The following DENND4A variants were observed in gnomAD, a reference collection of about 807,000 sequenced individuals.
DENND4A encodes the protein DENN domain containing 4A, also known as C-myc promoter-binding protein.
In DENND4A, 70 loss-of-function variants were observed where a neutral mutation model predicts 199.3. That is an observed-to-expected ratio of 0.35 (90% confidence interval 0.29 to 0.43). DENND4A has a LOEUF of 0.43. Among genes scored for constraint, DENND4A ranks in the 20% least tolerant of loss-of-function variants. The probability of loss-of-function intolerance (pLI) is 1.00; values close to 1 mark genes in which losing one functional copy is unlikely to be tolerated. For synonymous variants in DENND4A, 686 were observed against 766.9 expected (o/e 0.89, Z 1.74); for missense variants, 1,723 against 2,255.8 (o/e 0.76, Z 4.78).
Position 65,701,160 on chromosome 15 carries a change from A to G in DENND4A, c.2592T>C (p.Ser864=). The G allele has an allele frequency of 6.2e-7, 1 of 1,608,134 alleles. No individual in the cohort carries two copies. Among genetic ancestry groups the G allele is most frequent in the Non-Finnish European group, 8.5e-7 (1 of 1,177,904 alleles). Residue 864 remains serine, a synonymous_variant, in exon 19 of 33, where the codon AGT becomes AGC. Transcript: ENST00000443035. ...TTGTCCAAAGAAAATAGCCACTACG[A>G]CTTCTTGAAGGCCAGGTACTTTCCA... ...AVLESTWPSR[S]RSGYFLWTKV... is the part of the protein sequence containing the mutation.
intron 1 of DENND4A, among the ~76,000 whole-genome samples, chr15:65,779,657 C>A (rs934836467): frequency 6.6e-6 from 1 of 150,922 alleles, no homozygotes; most frequent in Admixed American, 6.6e-5. Context: ...TGGTGTTTTT[C>A]GTTTGTTTTC....
chr15:65,667,754 C>A, intron 28 of DENND4A, 51 bp from the exon 29 acceptor site: 1 of 1,557,506 alleles, frequency 6.4e-7, no homozygotes, highest in Non-Finnish European at 8.6e-7. Context: ...AATACTAAGC[C>A]ATTAAAAAAT....
At chr15:65,730,828 T>A (rs902261899) in intron 9 of DENND4A, among the ~76,000 whole-genome samples, 3 of 152,088 alleles carry the variant, frequency 2.0e-5, no homozygotes, top group Non-Finnish European at 4.4e-5. Flanking sequence ...GCTGCAGAAC[T>A]CTGTGAATAT....
intron 23 of DENND4A, among the ~76,000 whole-genome samples, chr15:65,682,653 T>C (rs781686912): frequency 7.2e-5 from 11 of 152,244 alleles, no homozygotes; most frequent in Non-Finnish European, 1.5e-4. Context: ...CTTGGCTGTT[T>C]GGTGCAGGAG....
chr15:65,662,567 C>T (rs983848216), intron 32 of DENND4A, among the ~76,000 whole-genome samples: 1 of 152,032 alleles, frequency 6.6e-6, no homozygotes, highest in Non-Finnish European at 1.5e-5. Context: ...TGTGCCTTTT[C>T]CCCAGAAGAT....
intron 13 of DENND4A, among the ~76,000 whole-genome samples, chr15:65,716,017 C>T (rs763902221): frequency 5.2e-4 from 79 of 152,024 alleles, no homozygotes; most frequent in Non-Finnish European, 1.1e-3. Flanking sequence ...AACATTCCCT[C>T]GTATTCATTC....
intron 17 of DENND4A, 135 bp from the exon 18 acceptor site, chr15:65,702,025 G>A: frequency 3.2e-6 from 4 of 1,251,024 alleles, no homozygotes; most frequent in South Asian, 1.4e-5. Context: ...CATTTTGGGA[G>A]GGCAAGGCAG....
At chr15:65,663,565 T>A (rs1269943695) in intron 32 of DENND4A, among the ~76,000 whole-genome samples, 6 of 152,180 alleles carry the variant, frequency 3.9e-5, no homozygotes, top group Admixed American at 3.9e-4. Flanking sequence ...AGACTCCCTA[T>A]TCTGTACCAT....
intron 4 of DENND4A, among the ~76,000 whole-genome samples, chr15:65,746,871 A>C (rs2076414011): frequency 6.6e-6 from 1 of 151,156 alleles, no homozygotes; most frequent in African/African-American, 2.4e-5. Flanking sequence ...TCAGAAGACC[A>C]GCCTGGCCAA....
At chr15:65,666,221 C>T (rs2076032673) in intron 29 of DENND4A, among the ~76,000 whole-genome samples, 1 of 151,960 alleles carries the variant, frequency 6.6e-6, no homozygotes, top group African/African-American at 2.4e-5. Context: ...AAATGAGGCA[C>T]AAAAAGAAAT....
chr15:65,788,771 C>T (rs1037045493), intron 1 of DENND4A, among the ~76,000 whole-genome samples: 11 of 148,100 alleles, frequency 7.4e-5, no homozygotes, highest in Middle Eastern at 3.4e-3. Flanking sequence ...GGGAGGATGG[C>T]TTGAGCCCAG....
intron 4 of DENND4A, among the ~76,000 whole-genome samples, chr15:65,749,420 C>T (rs960008571): frequency 1.3e-5 from 2 of 152,090 alleles, no homozygotes; most frequent in Non-Finnish European, 2.9e-5. Context: ...ATACTTAGAA[C>T]GGTGTATAGC....
chr15:65,789,498 G>C (rs2077657639), intron 1 of DENND4A, among the ~76,000 whole-genome samples: 1 of 145,668 alleles, frequency 6.9e-6, no homozygotes, highest in African/African-American at 2.5e-5. Flanking sequence ...AATCAATATA[G>C]GGTATTAGAT....
At chr15:65,706,528 T>C (rs1017165744) in intron 14 of DENND4A, among the ~76,000 whole-genome samples, 1 of 148,784 alleles carries the variant, frequency 6.7e-6, no homozygotes, top group Non-Finnish European at 1.5e-5. Context: ...GAGACAGTCT[T>C]GCTCTATCGC....
Position 65,701,041 on chromosome 15 carries a change from C to T in DENND4A, c.2701+10G>A. On this transcript the variant is annotated intron_variant, in intron 19 of 32. Coordinates refer to ENST00000443035, the MANE Select transcript of DENND4A (RefSeq NM_001320835.1). ...TTTTGAAGAACAAGTAAAACACATA[C>T]ATCCCTTACCTGAGAGAGTTGTTTG... The T allele has an allele frequency of 6.3e-7, 1 of 1,596,550 alleles. No homozygotes were observed. Among genetic ancestry groups the T allele is most frequent in the Non-Finnish European group, 8.5e-7 (1 of 1,175,180 alleles).
intron 1 of DENND4A, among the ~76,000 whole-genome samples, chr15:65,763,672 C>G (rs957053639): frequency 1.1e-4 from 11 of 103,608 alleles, no homozygotes; most frequent in Non-Finnish European, 1.6e-4. Context: ...CAAGCAAGAC[C>G]TTGTCTCAAA....
intron 5 of DENND4A, among the ~76,000 whole-genome samples, chr15:65,740,956 C>T (rs1027093995): frequency 8.6e-5 from 13 of 151,918 alleles, no homozygotes; most frequent in African/African-American, 2.7e-4. Context: ...AATGAGACCC[C>T]GTACCCCCCC....
rs72498783 is a variant in DENND4A, at chr15:65,720,947, TTATATATATATATATATATATA to T, written c.1588+1879_1588+1900del. On this transcript the variant is annotated intron_variant, in intron 12 of 32. Coordinates refer to ENST00000443035, the MANE Select transcript of DENND4A (RefSeq NM_001320835.1). The stretch of plus-strand genomic sequence containing the variant: ...AAAGTTGAATGGGCTGTTTCATTGA[TTATATATATATATATATATATA>T]TATATATATATATTTGTACTTTTTG... Among the ~76,000 whole-genome samples the T allele has an allele frequency of 7.2e-4, 55 of 76,268 alleles. 2 individuals carry two copies. The highest frequency in any genetic ancestry group is 1.9e-3 in the African/African-American group (37 of 19,056). The allele number at this position is 76,268 out of a possible 152,430, so 50.0% of individuals were successfully genotyped here. A position where few individuals can be genotyped will look rare whatever the true frequency, so the allele number is the denominator to read the frequency against.
chr15:65,723,315 G>A (rs1323598882), intron 11 of DENND4A, among the ~76,000 whole-genome samples: 1 of 151,838 alleles, frequency 6.6e-6, no homozygotes, highest in African/African-American at 2.4e-5. Context: ...CCTACCATAA[G>A]TTTTTTTCTT....
Sources: allele counts gnomAD v4.1 joint callset (sites outside exome capture counted in the v4.1 genomes callset), GRCh38; gene constraint gnomAD v4.1.1; transcripts MANE v1.5; gene names NCBI Gene and HGNC (gene_info 2026-07-23, HGNC 2026-07-21).